RBM24: variants seen among roughly 807,000 people sequenced by gnomAD.
RBM24 encodes the protein RNA binding motif protein 24.
In RBM24, 5 loss-of-function variants were observed where a neutral mutation model predicts 23.6. That is an observed-to-expected ratio of 0.21 (90% CI 0.11 to 0.45). The LOEUF is 0.45. Ranked by LOEUF, RBM24 falls within the 20% of genes least tolerant of loss-of-function variation. RBM24 has a pLI of 0.99. For synonymous variants in RBM24, 151 were observed against 129.5 expected (o/e 1.17, Z -1.13); for missense variants, 252 against 314.6 (o/e 0.80, Z 1.51).
At chr6:17,284,029 A>G (rs1026947178) in intron 2 of RBM24, among the ~76,000 whole-genome samples, 4 of 152,002 alleles carry the variant, frequency 2.6e-5, no homozygotes, top group Admixed American at 1.3e-4. Context: ...TAAATCATAT[A>G]CTCTTCACTC....
At chr6:17,289,083 C>T (rs1250250189) in intron 3 of RBM24, 1 of 985,282 alleles carries the variant, frequency 1.0e-6, no homozygotes, top group African/African-American at 1.7e-5. Context: ...TTGAAAATTA[C>T]CAAAAGTGTC....
At chr6:17,283,005 A>T in intron 2 of RBM24, 77 bp downstream of exon 2, 2 of 1,019,434 alleles carry the variant, frequency 2.0e-6, no homozygotes, top group Admixed American at 1.9e-5. Flanking sequence ...CTAATTTAGA[A>T]GACATTGTCT....
intron 3 of RBM24, among the ~76,000 whole-genome samples, chr6:17,287,771 T>A (rs1032483714): frequency 2.6e-5 from 4 of 151,464 alleles, no homozygotes; most frequent in African/African-American, 9.7e-5. Context: ...ATTGTGCCAC[T>A]GCACTCCAGC....
intron 2 of RBM24, among the ~76,000 whole-genome samples, chr6:17,283,851 A>G (rs1760111536): frequency 6.6e-6 from 1 of 152,222 alleles, no homozygotes; most frequent in African/African-American, 2.4e-5. Context: ...TACTTAAGTC[A>G]TGTAGCTATT....
At position 17,291,925 on chromosome 6, in the gene RBM24, T is replaced by C. The variant is rs1356894650; in HGVS notation, c.517T>C (p.Tyr173His). The C allele has an allele frequency of 6.2e-7, 1 of 1,613,262 alleles. No homozygotes were observed. Residue 173 changes from tyrosine to histidine, a missense_variant, in exon 4 of 4, where the codon TAT (tyrosine) becomes CAT (histidine). Physicochemically the swap from Tyr to His is moderately conservative, Grantham distance 83 (BLOSUM62 2). Transcript: ENST00000379052. ...AAAAAAAAAA[Y>H]DQYPYAASPA... ...TGCTGCTGCCGCCGCCGCTGCTGCC[T>C]ATGACCAGTACCCCTATGCAGCCTC...
intron 3 of RBM24, chr6:17,288,269 C>T (rs890545837): frequency 1.9e-5 from 19 of 985,336 alleles, no homozygotes; most frequent in South Asian, 4.7e-5. Context: ...GTAAGAAAGC[C>T]GATAAGCACC....
Position 17,292,378 on chromosome 6 carries a change from C to A in RBM24, c.*259C>A. ...TAAATGAAAGGCCACTACGAAATGA[C>A]GCCAGGAGTAACAACGGAACTTCAC... On this transcript the variant is annotated 3_prime_UTR_variant, in exon 4 of 4. Coordinates refer to ENST00000379052, the MANE Select transcript of RBM24 (RefSeq NM_001143942.2). 3.6e-6 allele frequency: 1 copy of A among 281,194 alleles called. No individual in the cohort carries two copies. Among genetic ancestry groups the A allele is most frequent in the Non-Finnish European group, 6.6e-6 (1 of 151,936 alleles). The allele number at this position is 281,194 out of a possible 1,614,324, so 17.4% of individuals were successfully genotyped here. A position where few individuals can be genotyped will look rare whatever the true frequency, so the allele number is the denominator to read the frequency against.
In RBM24 at chr6:17,291,875, C is replaced by T. The variant is rs1760371467; in HGVS notation, c.467C>T (p.Ala156Val). 6.2e-7 allele frequency: 1 copy of T among 1,613,942 alleles called. No individual in the cohort carries two copies. Among genetic ancestry groups the T allele is most frequent in the African/African-American group, 1.3e-5 (1 of 74,924 alleles). The change falls in exon 4 of 4, where the codon GCA (alanine) becomes GTA (valine). Residue 156 changes from alanine to valine, a missense_variant. By Grantham distance (64) the Ala-to-Val change is moderately conservative (BLOSUM62 0). Transcript: ENST00000379052. ...CCTTACATTGATTACACTGGAGCTGCATACGCACAATACTCAGCAGCTGCT... is the reference window on the plus strand; with the variant it reads ...CCTTACATTGATTACACTGGAGCTGTATACGCACAATACTCAGCAGCTGCT... ...TTPYIDYTGA[A>V]YAQYSAAAAA...
chr6:17,281,734 C>T lies in RBM24; in HGVS notation c.153C>T (p.Ser51=), dbSNP rs772603526. The change falls in exon 1 of 4, where the codon TCC becomes TCT. Residue 51 remains serine, a synonymous_variant. Coordinates refer to ENST00000379052, the MANE Select transcript of RBM24 (RefSeq NM_001143942.2). This position sits in a 1 kb window ranked among gnomAD's most constrained non-coding sequence, Gnocchi z 7.1. The part of the protein sequence containing the change: ...VVITDRQTGK[S]RGYGFVTMAD... ...TCACCGACCGGCAGACGGGCAAGTC[C>T]CGGGGCTATGGATTTGTAAGTTGCA... 1.4e-5 allele frequency: 22 copies of T among 1,550,476 alleles called. No individual in the cohort carries two copies. In the African/African-American group the frequency reaches 2.9e-4, roughly 20 times the overall value.
chr6:17,290,830 TTCTG>T lies in RBM24; in HGVS notation c.348-918_348-915del. ...AACCTCATCATTTCCCCAAAACCCC[TTCTG>T]TCTGTCTTGCATAGAGATAAACAAG... On this transcript the variant is annotated intron_variant, in intron 3 of 3. Coordinates refer to ENST00000379052, the MANE Select transcript of RBM24 (RefSeq NM_001143942.2). 4 of 1,288,772 alleles carry T rather than the reference TTCTG, an allele frequency of 3.1e-6. No homozygotes were observed. In the South Asian group the frequency reaches 4.9e-5, roughly 16 times the overall value. The allele number at this position is 1,288,772 out of a possible 1,614,324, so 79.8% of individuals were successfully genotyped here. A position where few individuals can be genotyped will look rare whatever the true frequency, so the allele number is the denominator to read the frequency against.
In RBM24 at chr6:17,291,884, A is replaced by G; in HGVS notation, c.476A>G (p.Gln159Arg). 1 of 1,613,976 alleles carries G rather than the reference A, an allele frequency of 6.2e-7. No individual in the cohort carries two copies. Among genetic ancestry groups the G allele is most frequent in the Non-Finnish European group, 8.5e-7 (1 of 1,180,002 alleles). Reference protein sequence around the residue: ...YIDYTGAAYAQYSAAAAAAAA... With the variant: ...YIDYTGAAYARYSAAAAAAAA... ...GATTACACTGGAGCTGCATACGCAC[A>G]ATACTCAGCAGCTGCTGCTGCTGCC... is the stretch of plus-strand genomic sequence containing the variant. Residue 159 changes from glutamine to arginine, a missense_variant, in exon 4 of 4, where the codon CAA (glutamine) becomes CGA (arginine). Transcript: ENST00000379052.
chr6:17,282,062 G>A (rs961827789), intron 1 of RBM24: 2 of 1,265,562 alleles, frequency 1.6e-6, no homozygotes, highest in Non-Finnish European at 1.0e-6. Flanking sequence ...CCGCAACCCT[G>A]AACAATTGCA....
intron 3 of RBM24, among the ~76,000 whole-genome samples, chr6:17,287,759 A>C (rs975053287): frequency 6.6e-6 from 1 of 152,034 alleles, no homozygotes; most frequent in African/African-American, 2.4e-5. Context: ...CAGCGAGCCG[A>C]GATTGTGCCA....
intron 2 of RBM24, 86 bp downstream of exon 2, chr6:17,283,014 CT>C (rs1561733336): frequency 2.1e-6 from 2 of 942,158 alleles, no homozygotes; most frequent in South Asian, 3.0e-5. Flanking sequence ...AAGACATTGT[CT>C]CTTTCTGTAG....
At chr6:17,289,815 A>G (rs1760300070) in intron 3 of RBM24, 14 of 1,087,018 alleles carry the variant, frequency 1.3e-5, no homozygotes, top group Non-Finnish European at 1.6e-5. Context: ...CCATCACCAC[A>G]TGTAAACTGG....
rs1370318369 is a variant in RBM24 at position 17,291,969 on chromosome 6, T to C, written c.561T>C (p.Tyr187=). 6.2e-7 allele frequency: 1 copy of C among 1,611,328 alleles called. No individual in the cohort carries two copies. The highest frequency in any genetic ancestry group is 1.1e-5 in the South Asian group (1 of 91,032). The change falls in exon 4 of 4, where the codon TAT becomes TAC. Residue 187 remains tyrosine (Y), a synonymous_variant. Transcript: ENST00000379052. ...CAGCCTCTCCAGCTGCTGCAGGATA[T>C]GTTACTGCTGGGGGCTATGGCTACG... is the stretch of plus-strand genomic sequence containing the variant. ...PYAASPAAAG[Y]VTAGGYGYAV...
At chr6:17,291,061 CGTTT>C (rs758907429) in intron 3 of RBM24, among the ~76,000 whole-genome samples, 3 of 152,186 alleles carry the variant, frequency 2.0e-5, no homozygotes, top group Non-Finnish European at 4.4e-5. Context: ...CACTACAGTT[CGTTT>C]GAGAAGTGTG....
chr6:17,290,062 A>G, intron 3 of RBM24: 1 of 1,289,392 alleles, frequency 7.8e-7, no homozygotes, highest in Non-Finnish European at 1.0e-6. Context: ...AAACATCTAC[A>G]AGTCTGGTAA....
rs115412596 is a variant in RBM24, at chr6:17,288,317, G to C, written c.348-3439G>C. 467 of 985,402 alleles carry C rather than the reference G, an allele frequency of 4.7e-4. 1 individual carries two copies. The African/African-American group carries it at 7.8e-3, about 16-fold the overall frequency. 61.0% of individuals were successfully genotyped at this position (985,402 alleles called of 1,614,324 possible). A position where few individuals can be genotyped will look rare whatever the true frequency, so the allele number is the denominator to read the frequency against. ...CCATGTGGCTTCAGATAAGAGAGAC[G>C]AACATCAGGACAATGAGTGGGATTC... On this transcript the variant is annotated intron_variant, in intron 3 of 3. Transcript: ENST00000379052.
Sources: allele counts gnomAD v4.1 joint callset (sites outside exome capture counted in the v4.1 genomes callset), GRCh38; gene constraint gnomAD v4.1.1; non-coding constraint Gnocchi (gnomAD v3.1); transcripts MANE v1.5; gene names NCBI Gene and HGNC (gene_info 2026-07-23, HGNC 2026-07-21).